Variants in USP6 observed in about 807,000 individuals in gnomAD.
USP6 encodes the protein ubiquitin specific peptidase 6.
Under a neutral mutation model 175.7 loss-of-function variants are expected in USP6, and 128 were observed. The observed-to-expected ratio is 0.73, with a 90% CI of 0.63 to 0.84. The LOEUF is 0.84. Ranked by LOEUF, USP6 falls within the 40% of genes least tolerant of loss-of-function variation. The pLI, the probability that USP6 is intolerant of heterozygous loss-of-function variation, is 0.00. For synonymous variants in USP6, 562 were observed against 630.6 expected (o/e 0.89, Z 1.63); for missense variants, 1,498 against 1,760.3 (o/e 0.85, Z 2.67).
intron 35 of USP6, 55 bp downstream of exon 35, chr17:5,169,110 A>G: frequency 9.3e-6 from 14 of 1,497,774 alleles, no homozygotes; most frequent in South Asian, 1.4e-5. Context: ...TAGGCTACAT[A>G]TGTTTCTCTG....
At position 5,139,461 on chromosome 17, in the gene USP6, A is replaced by G. The variant is rs774905758; in HGVS notation, c.1285A>G (p.Thr429Ala). 9.9e-6 allele frequency: 16 copies of G among 1,613,178 alleles called. No individual in the cohort carries two copies. The highest frequency in any genetic ancestry group is 1.3e-5 in the Non-Finnish European group (15 of 1,180,008). The change falls in exon 22 of 38, where the codon ACT becomes GCT. Residue 429 changes from threonine (T) to alanine (A), a missense_variant. Transcript: ENST00000574788. ...CCGGGAAGACACGTACCCTGTGGGC[A>G]CTCAGGGTGTGCCCAGCCTGGCCCT... ...AVREDTYPVG[T>A]QGVPSLALAQ...
At chr17:5,160,862 T>A (rs1048112784) in intron 31 of USP6, among the ~76,000 whole-genome samples, 1 of 152,240 alleles carries the variant, frequency 6.6e-6, no homozygotes, top group Non-Finnish European at 1.5e-5. Flanking sequence ...AAAGTGTTCC[T>A]ATTTCTCCAC....
In USP6 at chr17:5,168,030, G is replaced by C. The variant is rs765846050; in HGVS notation, c.3135G>C (p.Glu1045Asp). 117 of 1,611,902 alleles carry C rather than the reference G, an allele frequency of 7.3e-5. No individual in the cohort carries two copies. Among genetic ancestry groups the C allele is most frequent in the Non-Finnish European group, 9.6e-5 (113 of 1,179,858 alleles). ...SCLRAFTSEE[E>D]LGESEMYYCS... ...TCCGTGCTTTCACCAGTGAGGAAGA[G>C]CTAGGGGAAAGTGAGATGTACTACT... The change falls in exon 34 of 38, where the codon GAG (glutamate) becomes GAC (aspartate). Residue 1045 changes from glutamate to aspartate, a missense_variant. Physicochemically the swap from Glu to Asp is conservative, Grantham distance 45 (BLOSUM62 2). Around this residue, in one of 2 missense-constraint regions of USP6, gnomAD observed 1,217 missense variants for 1,500.8 expected, o/e 0.81. Transcript: ENST00000574788.
At chr17:5,164,688 G>A (rs1567811724) in intron 33 of USP6, among the ~76,000 whole-genome samples, 1 of 152,224 alleles carries the variant, frequency 6.6e-6, no homozygotes, top group Non-Finnish European at 1.5e-5. Context: ...GGCTGTTGAT[G>A]CCTTGCTAGG....
chr17:5,159,509 T>G (rs1320282238), intron 31 of USP6, among the ~76,000 whole-genome samples: 1 of 152,190 alleles, frequency 6.6e-6, no homozygotes, highest in East Asian at 1.9e-4. Context: ...AGAAGATATG[T>G]ACCTTCCAAG....
At chr17:5,137,790 C>A in intron 20 of USP6, 40 bp downstream of exon 20, 1 of 1,602,340 alleles carries the variant, frequency 6.2e-7, no homozygotes, top group South Asian at 1.1e-5. Flanking sequence ...GGGAGCCCTG[C>A]AGTCAGACCC....
At chr17:5,138,936 T>C (rs768208880) in intron 21 of USP6, 1 of 1,309,338 alleles carries the variant, frequency 7.6e-7, no homozygotes, top group African/African-American at 1.5e-5. Flanking sequence ...CCAAGGCCCC[T>C]CCCACTTGAG....
intron 21 of USP6, 42 bp from the exon 22 acceptor site, chr17:5,139,213 T>C (rs1338093530): frequency 6.3e-7 from 1 of 1,598,632 alleles, no homozygotes; most frequent in Non-Finnish European, 8.5e-7. Context: ...AAGGCCTGCA[T>C]GGGCTCACTG....
rs778383438 is a variant in USP6, at chr17:5,136,692, G to A, written c.717G>A (p.Glu239=). The A allele has an allele frequency of 4.3e-6, 7 of 1,612,214 alleles. No individual in the cohort carries two copies. The highest frequency in any genetic ancestry group is 1.7e-5 in the Admixed American group (1 of 60,010). The change falls in exon 18 of 38, where the codon GAG becomes GAA. Residue 239 remains glutamate (E), a synonymous_variant. Transcript: ENST00000574788. ...TCCAGGGGCTCCAAGACCAACAGGA[G>A]CATGTGGTACCCAAGTCACAACCCA... ...GTVQGLQDQQ[E]HVVPKSQPKT...
chr17:5,134,353 A>C (rs1207769635), intron 15 of USP6: 1 of 283,744 alleles, frequency 3.5e-6, no homozygotes, highest in African/African-American at 2.2e-5. Context: ...CACAGCACCA[A>C]ATGCTGGGAG....
At chr17:5,158,860 G>A (rs2073950257) in intron 31 of USP6, among the ~76,000 whole-genome samples, 1 of 152,194 alleles carries the variant, frequency 6.6e-6, no homozygotes, top group African/African-American at 2.4e-5. Flanking sequence ...AGAGATTGGA[G>A]TGGGTTAAAG....
At position 5,139,672 on chromosome 17, in the gene USP6, A is replaced by T. The variant is rs182478181; in HGVS notation, c.1496A>T (p.Glu499Val). The change falls in exon 22 of 38, where the codon GAG (glutamate) becomes GTG (valine). Residue 499 changes from glutamate (E) to valine (V), a missense_variant and splice_region_variant. Glu to Val is a moderately radical substitution (Grantham distance 121, BLOSUM62 -2). This residue lies in a region of USP6 where 1,217 missense variants were observed against 1,500.8 expected (regional missense o/e 0.81). Coordinates refer to ENST00000574788, the MANE Select transcript of USP6 (RefSeq NM_001304284.2). ...ATCWQAEHCGEVHNKDMSWPE... is the reference protein window; with the variant it reads ...ATCWQAEHCGVVHNKDMSWPE... ...TGCTGGCAGGCTGAACACTGCGGAG[A>T]GGGTGAGGTTGGCTTTCACTGCACT... 5 of 1,607,766 alleles carry T rather than the reference A, an allele frequency of 3.1e-6. No homozygotes were observed. The highest frequency in any genetic ancestry group is 4.2e-6 in the Non-Finnish European group (5 of 1,180,002).
At position 5,168,045 on chromosome 17, in the gene USP6, G is replaced by A; in HGVS notation, c.3150G>A (p.Glu1050=). The A allele has an allele frequency of 6.2e-7, 1 of 1,611,994 alleles. No homozygotes were observed. The highest frequency in any genetic ancestry group is 1.3e-5 in the African/African-American group (1 of 74,964). ...GTGAGGAAGAGCTAGGGGAAAGTGAGATGTACTACTGTTCCAAGTGTAAGA... is the reference window on the plus strand; with the variant it reads ...GTGAGGAAGAGCTAGGGGAAAGTGAAATGTACTACTGTTCCAAGTGTAAGA... The part of the protein sequence containing the change: ...FTSEEELGES[E]MYYCSKCKTH... The change falls in exon 34 of 38, where the codon GAG becomes GAA. Residue 1050 remains glutamate (E), a synonymous_variant. Coordinates refer to ENST00000574788, the MANE Select transcript of USP6 (RefSeq NM_001304284.2).
chr17:5,139,350 C>A lies in USP6; in HGVS notation c.1174C>A (p.Pro392Thr). Residue 392 changes from proline (P) to threonine (T), a missense_variant, in exon 22 of 38, where the codon CCA becomes ACA. Coordinates refer to ENST00000574788, the MANE Select transcript of USP6 (RefSeq NM_001304284.2). Reference sequence around the variant, plus strand: ...GGGGTATAGGCAGGCCCCTCCAGGCCCACCAGCCCAGTTCCAGCGGCCCAT... The same window carrying A: ...GGGGTATAGGCAGGCCCCTCCAGGCACACCAGCCCAGTTCCAGCGGCCCAT... ...CKGYRQAPPG[P>T]PAQFQRPICS... The A allele has an allele frequency of 6.2e-7, 1 of 1,612,926 alleles. No individual in the cohort carries two copies.
chr17:5,132,049 T>C lies in USP6; in HGVS notation c.156-347T>C, dbSNP rs1031233364. On this transcript the variant is annotated intron_variant, in intron 11 of 37. Transcript: ENST00000574788. This position sits in a 1 kb window ranked among gnomAD's most constrained non-coding sequence, Gnocchi z 4.7. ...ACTCCTGTCAGGGCCCGGTCGCCCA[T>C]GCTGGGTGGCCCCCATCCCATCTCA... Among the ~76,000 whole-genome samples, 20 of 152,090 alleles carry C rather than the reference T, an allele frequency of 1.3e-4. No homozygotes were observed. The highest frequency in any genetic ancestry group is 4.8e-4 in the African/African-American group (20 of 41,388).
chr17:5,169,016 C>G lies in USP6; in HGVS notation c.3478C>G (p.Pro1160Ala), dbSNP rs1413891048. 4 of 1,613,426 alleles carry G rather than the reference C, an allele frequency of 2.5e-6. No homozygotes were observed. The highest frequency in any genetic ancestry group is 3.4e-6 in the Non-Finnish European group (4 of 1,179,694). ...GKEDMLLSKSPSSLSANISSS... is the reference protein window; with the variant it reads ...GKEDMLLSKSASSLSANISSS... ...AGAGGACATGCTCCTAAGCAAAAGC[C>G]CATCCTCACTCAGCGCTAACATCAG... Residue 1160 changes from proline (P) to alanine (A), a missense_variant, in exon 35 of 38, where the codon CCA becomes GCA. Around this residue, in one of 2 missense-constraint regions of USP6, gnomAD observed 1,217 missense variants for 1,500.8 expected, o/e 0.81. Coordinates refer to ENST00000574788, the MANE Select transcript of USP6 (RefSeq NM_001304284.2).
intron 4 of USP6, among the ~76,000 whole-genome samples, chr17:5,123,651 C>T (rs1481440620): frequency 1.3e-5 from 2 of 152,304 alleles, no homozygotes; most frequent in African/African-American, 2.4e-5. Context: ...CAGGGACCCG[C>T]AGAACGCATA....
chr17:5,133,402 C>T lies in USP6; in HGVS notation c.277-41C>T, dbSNP rs780576960. 5 of 1,570,092 alleles carry T rather than the reference C, an allele frequency of 3.2e-6. No individual in the cohort carries two copies. In the African/African-American group the frequency reaches 5.4e-5, roughly 17 times the overall value. On this transcript the variant is annotated intron_variant, in intron 13 of 37. Coordinates refer to ENST00000574788, the MANE Select transcript of USP6 (RefSeq NM_001304284.2). ...CCCAGGCTCTGGTCCTCACTGGGGT[C>T]ACCCCATGGCCTGTGACACCAGATT...
intron 4 of USP6, among the ~76,000 whole-genome samples, chr17:5,122,234 G>A (rs567136020): frequency 3.9e-5 from 6 of 152,176 alleles, no homozygotes; most frequent in South Asian, 2.1e-4. Flanking sequence ...CAGGGTAAGC[G>A]TGACTCACAG....
Sources: allele counts gnomAD v4.1 joint callset (sites outside exome capture counted in the v4.1 genomes callset), GRCh38; gene constraint gnomAD v4.1.1; regional missense constraint gnomAD v4.1.1; non-coding constraint Gnocchi (gnomAD v3.1); transcripts MANE v1.5; gene names NCBI Gene and HGNC (gene_info 2026-07-23, HGNC 2026-07-21).